Variants in SLC28A2 observed in about 807,000 individuals in gnomAD.
The protein encoded by SLC28A2 is solute carrier family 28 member 2, also known as sodium/nucleoside cotransporter 2.
SLC28A2 carries 69 observed loss-of-function variants against 72.9 expected under a neutral mutation model. That is an observed-to-expected ratio of 0.95 (90% CI 0.78 to 1.16). SLC28A2 has a LOEUF of 1.16. Ranked by LOEUF, SLC28A2 falls within the 50% of genes most tolerant of loss-of-function variation. SLC28A2 has a pLI of 0.00. For synonymous variants in SLC28A2, 296 were observed against 294.1 expected, an observed-to-expected ratio of 1.01 and a Z score of -0.07; for missense variants, 745 against 791.1, an observed-to-expected ratio of 0.94 and a Z score of 0.70.
chr15:45,258,344 A>G (rs968552008), intron 3 of SLC28A2, among the ~76,000 whole-genome samples: 1 of 151,850 alleles, frequency 6.6e-6, no homozygotes, highest in African/African-American at 2.4e-5. Flanking sequence ...TTTTTAGTGT[A>G]ATGTTTAATA....
intron 13 of SLC28A2, among the ~76,000 whole-genome samples, chr15:45,268,680 G>T (rs952995896): frequency 4.6e-5 from 7 of 152,092 alleles, no homozygotes; most frequent in African/African-American, 1.7e-4. Context: ...TATACCCAAA[G>T]GACTATAAAT....
At chr15:45,274,746 TC>T (rs1900696405) in intron 17 of SLC28A2, among the ~76,000 whole-genome samples, 1 of 150,314 alleles carries the variant, frequency 6.7e-6, no homozygotes, top group Admixed American at 6.6e-5. Flanking sequence ...TTTTGATTCT[TC>T]TTTTTTTTTT....
intron 5 of SLC28A2, among the ~76,000 whole-genome samples, chr15:45,263,587 G>A (rs1372155910): frequency 3.3e-5 from 5 of 152,268 alleles, no homozygotes; most frequent in Admixed American, 6.5e-5. Context: ...AAATTGATTT[G>A]GTGGTCATTG....
At chr15:45,264,797 C>A in intron 7 of SLC28A2, 29 bp downstream of exon 7, 1 of 1,355,356 alleles carries the variant, frequency 7.4e-7, no homozygotes, top group Non-Finnish European at 1.1e-6. Context: ...GAGGGCTTTT[C>A]TCTTTTAGAA....
In SLC28A2 at chr15:45,276,258, C is replaced by T. The variant is rs1900751762; in HGVS notation, c.*745C>T. The T allele has an allele frequency of 6.6e-6, 1 of 151,948 alleles. No individual in the cohort carries two copies. The highest frequency in any genetic ancestry group is 1.5e-5 in the Non-Finnish European group (1 of 68,018). The allele number at this position is 151,948 out of a possible 1,614,324, so 9.4% of individuals were successfully genotyped here. ...AAAAACCAAACACCACATGTTCTCACTCATAGATGGGAATTGAACAATGAG... is the reference window on the plus strand; with the variant it reads ...AAAAACCAAACACCACATGTTCTCATTCATAGATGGGAATTGAACAATGAG... On this transcript the variant is annotated 3_prime_UTR_variant, in exon 18 of 18. Coordinates refer to ENST00000347644, the MANE Select transcript of SLC28A2 (RefSeq NM_004212.4).
chr15:45,272,382 C>T lies in SLC28A2; in HGVS notation c.1736C>T (p.Ala579Val). The T allele has an allele frequency of 1.2e-6, 2 of 1,613,378 alleles. No individual in the cohort carries two copies. Among genetic ancestry groups the T allele is most frequent in the East Asian group, 2.2e-5 (1 of 44,878 alleles). ...GGGGCCTGTGTATCCCTTATCAGTGCCTGTATGGCAGGTAGGTGCCTCAGC... is the reference window on the plus strand; with the variant it reads ...GGGGCCTGTGTATCCCTTATCAGTGTCTGTATGGCAGGTAGGTGCCTCAGC... ...FTGACVSLIS[A>V]CMAGILYVPR... Residue 579 changes from alanine (A) to valine (V), a missense_variant, in exon 16 of 18, where the codon GCC (alanine) becomes GTC (valine). Coordinates refer to ENST00000347644, the MANE Select transcript of SLC28A2 (RefSeq NM_004212.4).
At chr15:45,265,973 C>T in intron 9 of SLC28A2, 108 bp from the exon 10 acceptor site, 1 of 840,476 alleles carries the variant, frequency 1.2e-6, no homozygotes, top group Non-Finnish European at 2.0e-6. Context: ...TGCTCTACTT[C>T]TCTAGGCCTC....
At chr15:45,257,996 G>A (rs953045109) in intron 3 of SLC28A2, among the ~76,000 whole-genome samples, 1 of 152,182 alleles carries the variant, frequency 6.6e-6, no homozygotes, top group Non-Finnish European at 1.5e-5. Context: ...GGCCAAGGCA[G>A]GCAGATCACT....
chr15:45,267,306 TGCTCACTAAGTGAAGCTGTG>T (rs979287903), intron 10 of SLC28A2, 129 bp from the exon 11 acceptor site: 24 of 829,840 alleles, frequency 2.9e-5, no homozygotes, highest in Non-Finnish European at 4.5e-5. Flanking sequence ...CCGGGCTCCG[TGCTCACTAAGTGAAGCTGTG>T]GCTCACTTAA....
chr15:45,270,792 A>C (rs576729412), intron 15 of SLC28A2, among the ~76,000 whole-genome samples: 1 of 151,100 alleles, frequency 6.6e-6, no homozygotes, highest in South Asian at 2.1e-4. Context: ...GCCCATTATT[A>C]TTATTATTAT....
At position 45,276,130 on chromosome 15, in the gene SLC28A2, C is replaced by A. The variant is rs1471194674; in HGVS notation, c.*617C>A. 1 of 152,054 alleles carries A rather than the reference C, an allele frequency of 6.6e-6. No homozygotes were observed. The highest frequency in any genetic ancestry group is 1.5e-5 in the Non-Finnish European group (1 of 68,044). 9.4% of individuals were successfully genotyped at this position (152,054 alleles called of 1,614,324 possible). ...ATTAAGAAAATGTGGCACATATACA[C>A]CATGGAATACTATGCAGCCATAAAA... On this transcript the variant is annotated 3_prime_UTR_variant, in exon 18 of 18. Transcript: ENST00000347644.
chr15:45,267,579 G>A lies in SLC28A2; in HGVS notation c.1067G>A (p.Gly356Glu), dbSNP rs1243040407. The change falls in exon 11 of 18, where the codon GGG becomes GAG. Residue 356 changes from glycine to glutamate, a missense_variant and splice_region_variant. By Grantham distance (98) the Gly-to-Glu change is moderately conservative. Transcript: ENST00000347644. Reference sequence around the variant, plus strand: ...GTGCTGGGAGCCTTCATAGCCTTTGGGGTAGGCATAGTCTGCTTGATCACT... The same window carrying A: ...GTGCTGGGAGCCTTCATAGCCTTTGAGGTAGGCATAGTCTGCTTGATCACT... ...GTVLGAFIAF[G>E]VDASSLISAS... The A allele has an allele frequency of 6.2e-7, 1 of 1,614,078 alleles. No homozygotes were observed. The highest frequency in any genetic ancestry group is 1.7e-5 in the Admixed American group (1 of 60,010).
intron 13 of SLC28A2, among the ~76,000 whole-genome samples, chr15:45,268,657 C>A (rs1012187425): frequency 6.6e-6 from 1 of 152,070 alleles, no homozygotes; most frequent in African/African-American, 2.4e-5. Flanking sequence ...CCCAGCCATC[C>A]CATTACTGGG....
chr15:45,271,591 A>AGGAAGGAG (rs1900573461), intron 15 of SLC28A2, among the ~76,000 whole-genome samples: 1 of 150,448 alleles, frequency 6.6e-6, no homozygotes, highest in Non-Finnish European at 1.5e-5. Context: ...GAAGGAAGGA[A>AGGAAGGAG]GGAAGGAAGG....
chr15:45,270,289 A>C lies in SLC28A2; in HGVS notation c.1648+13A>C, dbSNP rs770503078. Reference sequence around the variant, plus strand: ...CTTGGAGGCTTGAGTGAGTTCATCCATTTTCCCAGCTCCCCAGTAAGACAG... The same window carrying C: ...CTTGGAGGCTTGAGTGAGTTCATCCCTTTTCCCAGCTCCCCAGTAAGACAG... On this transcript the variant is annotated intron_variant, in intron 15 of 17. Coordinates refer to ENST00000347644, the MANE Select transcript of SLC28A2 (RefSeq NM_004212.4). The C allele has an allele frequency of 2.0e-5, 31 of 1,584,824 alleles. No individual in the cohort carries two copies. The East Asian group carries it at 6.9e-4, about 35-fold the overall frequency.
intron 6 of SLC28A2, 36 bp from the exon 7 acceptor site, chr15:45,264,619 G>C (rs1440227738): frequency 7.3e-7 from 1 of 1,374,388 alleles, no homozygotes; most frequent in Non-Finnish European, 1.0e-6. Context: ...TGGACTAGCA[G>C]AACTCACATT....
intron 3 of SLC28A2, among the ~76,000 whole-genome samples, chr15:45,258,285 T>C (rs926873763): frequency 1.3e-5 from 2 of 152,062 alleles, no homozygotes; most frequent in Admixed American, 6.6e-5. Context: ...TCTTAATTTA[T>C]GTTTTTGGGA....
Position 45,268,198 on chromosome 15 carries a change from C to T in SLC28A2, c.1200-12C>T. ...AGACACCCTACTCTTGCCCTCTGCC[C>T]AATAACCACAGGAAGGAGAGGAATG... On this transcript the variant is annotated splice_polypyrimidine_tract_variant and intron_variant, in intron 12 of 17. Transcript: ENST00000347644. The T allele has an allele frequency of 1.3e-6, 2 of 1,592,424 alleles. No individual in the cohort carries two copies. The highest frequency in any genetic ancestry group is 2.2e-5 in the South Asian group (2 of 90,196).
chr15:45,267,728 A>G lies in SLC28A2; in HGVS notation c.1131A>G (p.Ser377=). The part of the protein sequence containing the change: ...VMAAPCALAS[S]KLAYPEVEES... ...CCGCCCCTTGTGCTCTCGCCTCATC[A>G]AAGCTAGCGTATCCGGAAGTGGAGG... The change falls in exon 12 of 18, where the codon TCA becomes TCG. Residue 377 remains serine, a synonymous_variant. Coordinates refer to ENST00000347644, the MANE Select transcript of SLC28A2 (RefSeq NM_004212.4). 6.2e-7 allele frequency: 1 copy of G among 1,614,056 alleles called. No homozygotes were observed. The highest frequency in any genetic ancestry group is 1.6e-4 in the Middle Eastern group (1 of 6,062).
Sources: allele counts gnomAD v4.1 joint callset (sites outside exome capture counted in the v4.1 genomes callset), GRCh38; gene constraint gnomAD v4.1.1; transcripts MANE v1.5; gene names NCBI Gene and HGNC (gene_info 2026-07-23, HGNC 2026-07-21).